The following DNAAF4 variants were observed in gnomAD, a reference collection of about 807,000 sequenced individuals.
DNAAF4 encodes the protein dynein axonemal assembly factor 4, also known as dynein assembly factor 4, axonemal.
In DNAAF4, 43 loss-of-function variants were observed where a neutral mutation model predicts 51.8. The observed-to-expected ratio is 0.83, with a 90% CI of 0.65 to 1.07. The LOEUF (loss-of-function observed/expected upper bound fraction) is 1.07, where lower values mean the gene tolerates loss of function less well. Ranked by LOEUF, DNAAF4 falls within the 50% of genes least tolerant of loss-of-function variation. The probability of loss-of-function intolerance (pLI) is 0.00; values close to 1 mark genes in which losing one functional copy is unlikely to be tolerated. For synonymous variants in DNAAF4, 194 were observed against 165.6 expected (o/e 1.17, Z -1.32); for missense variants, 581 against 493.0 (o/e 1.18, Z -1.69).
At chr15:55,430,061 G>C (rs1300526961), downstream of DNAAF4, among the ~76,000 whole-genome samples, 1 of 152,118 alleles carries the variant, frequency 6.6e-6, no homozygotes, top group African/African-American at 2.4e-5. Context: ...ATCTTCACCA[G>C]ATAGTGTTAT....
At chr15:55,496,303 A>G (rs1250529321) in intron 3 of DNAAF4, among the ~76,000 whole-genome samples, 2 of 152,170 alleles carry the variant, frequency 1.3e-5, no homozygotes, top group East Asian at 3.9e-4. Context: ...GCTTTTCAAA[A>G]CTTCCAACAC....
At position 55,440,686 on chromosome 15, in the gene DNAAF4, C is replaced by CTT. The variant is rs11453787; in HGVS notation, c.784-1107_784-1106dup. Among the ~76,000 whole-genome samples the CTT allele has an allele frequency of 3.1e-3, 476 of 151,490 alleles. 3 individuals carry two copies. Among genetic ancestry groups the CTT allele is most frequent in the African/African-American group, 0.011 (445 of 41,246 alleles). On this transcript the variant is annotated intron_variant, in intron 6 of 9. Coordinates refer to ENST00000321149, the MANE Select transcript of DNAAF4 (RefSeq NM_130810.4). Reference sequence around the variant, plus strand: ...CTGGCCATATTTATACATTATTAAACTTTTTTTCTTTTTGAGACAGAGTCT... The same window carrying CTT: ...CTGGCCATATTTATACATTATTAAACTTTTTTTTTCTTTTTGAGACAGAGTCT...
chr15:55,435,747 C>A (rs905546605), intron 7 of DNAAF4, among the ~76,000 whole-genome samples: 1 of 152,094 alleles, frequency 6.6e-6, no homozygotes. Context: ...GAGATGTACA[C>A]GATTAAAGGA....
At chr15:55,454,146 C>A (rs2057981278) in intron 5 of DNAAF4, among the ~76,000 whole-genome samples, 1 of 151,190 alleles carries the variant, frequency 6.6e-6, no homozygotes, top group Non-Finnish European at 1.5e-5. Flanking sequence ...TCTAAAAATA[C>A]AAAAATTAGC....
intron 4 of DNAAF4, among the ~76,000 whole-genome samples, chr15:55,482,723 G>A (rs931170674): frequency 2.0e-5 from 3 of 151,980 alleles, no homozygotes; most frequent in African/African-American, 4.8e-5. Context: ...TTAAATACTA[G>A]AAGTACATGA....
intron 5 of DNAAF4, among the ~76,000 whole-genome samples, chr15:55,454,148 A>T (rs2057981325): frequency 6.6e-6 from 1 of 151,470 alleles, no homozygotes; most frequent in Non-Finnish European, 1.5e-5. Flanking sequence ...TAAAAATACA[A>T]AAATTAGCTT....
chr15:55,470,941 C>G (rs1297406459), intron 4 of DNAAF4, among the ~76,000 whole-genome samples: 1 of 149,518 alleles, frequency 6.7e-6, no homozygotes, highest in Non-Finnish European at 1.5e-5. Flanking sequence ...GTAGCTTCCA[C>G]TTCCTAGGCT....
In DNAAF4 at chr15:55,483,165, C is replaced by T. The variant is rs138411733; in HGVS notation, c.405+7958G>A. ...AGGCTGTAGTGCAGTGGCTCAATCT[C>T]GGCTCAATGCAACCTCTGCCTCCCA... On this transcript the variant is annotated intron_variant, in intron 4 of 9. Coordinates refer to ENST00000321149, the MANE Select transcript of DNAAF4 (RefSeq NM_130810.4). 2.9e-3 allele frequency among the ~76,000 whole-genome samples: 438 copies of T among 152,174 alleles called. 4 individuals carry two copies. Among genetic ancestry groups the T allele is most frequent in the Admixed American group, 0.026 (394 of 15,274 alleles).
At chr15:55,461,990 C>A (rs1425160957) in intron 5 of DNAAF4, among the ~76,000 whole-genome samples, 1 of 152,134 alleles carries the variant, frequency 6.6e-6, no homozygotes, top group Non-Finnish European at 1.5e-5. Flanking sequence ...TCATTCAAAG[C>A]TACTATGAAT....
intron 4 of DNAAF4, among the ~76,000 whole-genome samples, chr15:55,467,928 T>C (rs979106160): frequency 1.4e-4 from 22 of 152,148 alleles, no homozygotes; most frequent in African/African-American, 4.8e-4. Flanking sequence ...TTGGTGTACA[T>C]GATTGACTCC....
intron 6 of DNAAF4, among the ~76,000 whole-genome samples, chr15:55,445,716 C>T (rs1343265381): frequency 1.1e-4 from 16 of 146,352 alleles, no homozygotes; most frequent in Middle Eastern, 7.8e-3. Flanking sequence ...GGCAGAGGCA[C>T]TCCTCACCTC....
At chr15:55,465,880 T>C (rs2058164378) in intron 5 of DNAAF4, among the ~76,000 whole-genome samples, 1 of 151,972 alleles carries the variant, frequency 6.6e-6, no homozygotes, top group African/African-American at 2.4e-5. Flanking sequence ...TTCTCACTCA[T>C]AAATGGGAGC....
At chr15:55,446,421 G>C (rs2057817427) in intron 6 of DNAAF4, among the ~76,000 whole-genome samples, 2 of 149,720 alleles carry the variant, frequency 1.3e-5, no homozygotes, top group African/African-American at 2.5e-5. Context: ...CCCAGACGGG[G>C]CGGCCGGGCA....
chr15:55,442,652 G>A lies in DNAAF4; in HGVS notation c.784-3071C>T. On this transcript the variant is annotated intron_variant, in intron 6 of 9. Coordinates refer to ENST00000321149, the MANE Select transcript of DNAAF4 (RefSeq NM_130810.4). ...GCTCTTTATGTCAGACTTTTAGCAG[G>A]ATTCAGCTTTATAAGTAAGCTTGTC... 3 of 1,536,098 alleles carry A rather than the reference G, an allele frequency of 2.0e-6. No homozygotes were observed. The South Asian group carries it at 3.4e-5, about 17-fold the overall frequency.
chr15:55,449,696 C>CTT (rs368060926), intron 6 of DNAAF4, among the ~76,000 whole-genome samples: 75,320 of 91,406 alleles, frequency 0.82, 31,726 homozygotes, highest in East Asian at 0.93. Context: ...AAAAAGACCG[C>CTT]TTTTTTTTTT....
At chr15:55,492,063 C>T (rs1199326715) in intron 3 of DNAAF4, among the ~76,000 whole-genome samples, 1 of 151,580 alleles carries the variant, frequency 6.6e-6, no homozygotes, top group African/African-American at 2.4e-5. Flanking sequence ...CACTATATTG[C>T]CCAGGCTGGT....
chr15:55,455,387 A>AATATATATATATATATATATATATAT (rs10688653), intron 5 of DNAAF4, among the ~76,000 whole-genome samples: 3 of 127,380 alleles, frequency 2.4e-5, no homozygotes, highest in Non-Finnish European at 3.2e-5. Context: ...TAGCAAATTG[A>AATATATATATATATATATATATATAT]ATATATATAT....
At chr15:55,492,239 G>T (rs1331403756) in intron 3 of DNAAF4, among the ~76,000 whole-genome samples, 1 of 151,180 alleles carries the variant, frequency 6.6e-6, no homozygotes, top group African/African-American at 2.4e-5. Context: ...CTTACAAAGG[G>T]AAGGATCAGA....
At chr15:55,428,874 AT>A (rs1349698422), downstream of DNAAF4, among the ~76,000 whole-genome samples, 2 of 152,168 alleles carry the variant, frequency 1.3e-5, no homozygotes, top group East Asian at 3.9e-4. Flanking sequence ...AAATCTTTAT[AT>A]AAGATGCTGC....
Sources: gnomAD v4.1 joint callset for allele counts (sites outside exome capture counted in the v4.1 genomes callset) on GRCh38, gnomAD v4.1.1 for gene constraint, MANE v1.5 for transcripts, NCBI Gene and HGNC (gene_info 2026-07-23, HGNC 2026-07-21) for gene names.